TMEM26: variants seen among roughly 807,000 people sequenced by gnomAD.
TMEM26 encodes the protein transmembrane protein 26.
A neutral mutation model predicts 28.8 loss-of-function variants in TMEM26; 38 were observed. That is an observed-to-expected ratio of 1.32 (90% CI 1.02 to 1.73). TMEM26 has a LOEUF of 1.73. TMEM26 is among the 40% of genes most tolerant of loss of function. The pLI, the probability that TMEM26 is intolerant of heterozygous loss-of-function variation, is 0.00. For synonymous variants in TMEM26, 227 were observed against 182.9 expected (o/e 1.24, Z -1.95); for missense variants, 518 against 447.1 (o/e 1.16, Z -1.43).
chr10:61,407,424 G>C lies in TMEM26; in HGVS notation c.*2898C>G, dbSNP rs1839510181. ...CTGGAAGATTATAAAGCATGTTATT[G>C]GCCAATTCAAAATTTTATTTCATTA... On this transcript the variant is annotated 3_prime_UTR_variant, in exon 6 of 6. Transcript: ENST00000399298. 1 of 151,934 alleles carries C rather than the reference G, an allele frequency of 6.6e-6. No individual in the cohort carries two copies. Among genetic ancestry groups the C allele is most frequent in the Non-Finnish European group, 1.5e-5 (1 of 67,966 alleles). The allele number at this position is 151,934 out of a possible 1,614,324, so 9.4% of individuals were successfully genotyped here.
At chr10:61,446,457 G>A (rs547941273) in intron 1 of TMEM26, among the ~76,000 whole-genome samples, 2 of 152,174 alleles carry the variant, frequency 1.3e-5, no homozygotes, top group African/African-American at 4.8e-5. Context: ...TGGTTTCCTA[G>A]TCCATATAAA....
chr10:61,433,088 C>T (rs7896350), intron 2 of TMEM26, among the ~76,000 whole-genome samples: 30,999 of 151,974 alleles, frequency 0.2, 3,431 homozygotes, highest in Middle Eastern at 0.31. Flanking sequence ...ATGTTTTTGA[C>T]ATTCTTACCA....
intron 2 of TMEM26, 79 bp downstream of exon 2, chr10:61,436,091 T>A: frequency 1.1e-6 from 1 of 894,120 alleles, no homozygotes; most frequent in East Asian, 2.5e-5. Context: ...GAAAAGTGCA[T>A]TCCGAAAATA....
chr10:61,413,654 GTGATTTAATAAATCAA>G (rs754536026), intron 4 of TMEM26, 119 bp from the exon 5 acceptor site: 42 of 1,328,742 alleles, frequency 3.2e-5, no homozygotes, highest in Non-Finnish European at 3.9e-6. Context: ...AAATATCTTG[GTGATTTAATAAATCAA>G]TGAAAAAAAT....
chr10:61,431,112 T>C, intron 3 of TMEM26, 107 bp downstream of exon 3: 1 of 870,496 alleles, frequency 1.1e-6, no homozygotes, highest in Non-Finnish European at 1.8e-6. Flanking sequence ...AATGGATAAC[T>C]TTCTTCAGGA....
In TMEM26 at chr10:61,410,191, G is replaced by T; in HGVS notation, c.*131C>A. 3.9e-6 allele frequency: 4 copies of T among 1,013,144 alleles called. No individual in the cohort carries two copies. Among genetic ancestry groups the T allele is most frequent in the Non-Finnish European group, 5.6e-6 (4 of 712,290 alleles). 62.8% of individuals were successfully genotyped at this position (1,013,144 alleles called of 1,614,324 possible). ...TGAAAAAAGAAAATTCCTCAGCTTT[G>T]GTTTAAGATCACCTTTTTATGTTGT... On this transcript the variant is annotated 3_prime_UTR_variant, in exon 6 of 6. Coordinates refer to ENST00000399298, the MANE Select transcript of TMEM26 (RefSeq NM_178505.8).
chr10:61,433,695 G>T (rs1839958091), intron 2 of TMEM26, among the ~76,000 whole-genome samples: 1 of 152,118 alleles, frequency 6.6e-6, no homozygotes, highest in African/African-American at 2.4e-5. Flanking sequence ...CCAAGTCATA[G>T]GTTAGAACAT....
chr10:61,449,458 T>G (rs1320057466), intron 1 of TMEM26, among the ~76,000 whole-genome samples: 1 of 152,222 alleles, frequency 6.6e-6, no homozygotes, highest in Non-Finnish European at 1.5e-5. Context: ...TTCCAAAGGA[T>G]AGCTAAAGAA....
In TMEM26 at chr10:61,407,883, T is replaced by G. The variant is rs1226099447; in HGVS notation, c.*2439A>C. On this transcript the variant is annotated 3_prime_UTR_variant, in exon 6 of 6. Coordinates refer to ENST00000399298, the MANE Select transcript of TMEM26 (RefSeq NM_178505.8). Reference sequence around the variant, plus strand: ...TAAAATGTAAACAAGTCCCAGGATGTCCACACATGGGAGGTAATTGATGTT... The same window carrying G: ...TAAAATGTAAACAAGTCCCAGGATGGCCACACATGGGAGGTAATTGATGTT... 2.0e-5 allele frequency: 3 copies of G among 152,172 alleles called. No individual in the cohort carries two copies. Among genetic ancestry groups the G allele is most frequent in the Non-Finnish European group, 4.4e-5 (3 of 68,038 alleles). 9.4% of individuals were successfully genotyped at this position (152,172 alleles called of 1,614,324 possible).
intron 4 of TMEM26, among the ~76,000 whole-genome samples, chr10:61,419,787 A>G (rs1839713046): frequency 6.6e-6 from 1 of 152,068 alleles, no homozygotes; most frequent in Non-Finnish European, 1.5e-5. Context: ...AATGGATGAA[A>G]ATTTTGAGGA....
intron 1 of TMEM26, among the ~76,000 whole-genome samples, chr10:61,452,405 G>T (rs1057087534): frequency 6.6e-6 from 1 of 152,224 alleles, no homozygotes; most frequent in African/African-American, 2.4e-5. Context: ...GTGCAGCGAG[G>T]GTCTTCTCGT....
intron 2 of TMEM26, among the ~76,000 whole-genome samples, chr10:61,435,935 A>G (rs1468400877): frequency 6.6e-6 from 1 of 152,218 alleles, no homozygotes; most frequent in East Asian, 1.9e-4. Context: ...TCTCTAACAC[A>G]AAATGTTAAT....
chr10:61,431,762 C>T (rs1227495183), intron 2 of TMEM26, among the ~76,000 whole-genome samples: 8 of 151,352 alleles, frequency 5.3e-5, no homozygotes, highest in Admixed American at 3.3e-4. Context: ...TGGGGGTTCA[C>T]GTGCAGGTTT....
chr10:61,452,958 G>A lies in TMEM26; in HGVS notation c.124C>T (p.Leu42Phe), dbSNP rs1477528952. The change falls in exon 1 of 6, where the codon CTC becomes TTC. Residue 42 changes from leucine (L) to phenylalanine (F), a missense_variant. Coordinates refer to ENST00000399298, the MANE Select transcript of TMEM26 (RefSeq NM_178505.8). ...KEPRYWLLAL[L>F]NLLLFLETAL... The stretch of plus-strand genomic sequence containing the variant: ...GTCTCCAGGAAGAGCAAGAGGTTGA[G>A]CAGCGCAAGCAGCCAGTACCGCGGC... The A allele has an allele frequency of 1.2e-6, 2 of 1,614,096 alleles. No individual in the cohort carries two copies. The highest frequency in any genetic ancestry group is 2.2e-5 in the East Asian group (1 of 44,854).
intron 1 of TMEM26, among the ~76,000 whole-genome samples, chr10:61,446,096 T>G (rs866017067): frequency 6.6e-6 from 1 of 152,150 alleles, no homozygotes; most frequent in Non-Finnish European, 1.5e-5. Flanking sequence ...CATTCAGAGG[T>G]TCCATTTCTT....
At chr10:61,438,556 CTCT>C (rs1840043829) in intron 1 of TMEM26, among the ~76,000 whole-genome samples, 1 of 152,138 alleles carries the variant, frequency 6.6e-6, no homozygotes, top group African/African-American at 2.4e-5. Flanking sequence ...CATACAATAG[CTCT>C]TGAAAGAGGT....
chr10:61,409,394 G>A lies in TMEM26; in HGVS notation c.*928C>T, dbSNP rs1839535837. On this transcript the variant is annotated 3_prime_UTR_variant, in exon 6 of 6. Transcript: ENST00000399298. ...CTTCCAGTAGTCGCGGTTCAAAGAA[G>A]CTGCAGCTTTGTTCACTACTGCTGG... The A allele has an allele frequency of 6.6e-6, 1 of 152,192 alleles. No homozygotes were observed. Among genetic ancestry groups the A allele is most frequent in the African/African-American group, 2.4e-5 (1 of 41,424 alleles). The allele number at this position is 152,192 out of a possible 1,614,324, so 9.4% of individuals were successfully genotyped here.
At chr10:61,427,651 T>C (rs895359337) in intron 4 of TMEM26, among the ~76,000 whole-genome samples, 5 of 152,104 alleles carry the variant, frequency 3.3e-5, no homozygotes, top group Non-Finnish European at 7.4e-5. Context: ...ATTTTATGAC[T>C]GGCCCCACAA....
Position 61,417,656 on chromosome 10 carries a change from G to A in TMEM26, c.606-4121C>T, listed in dbSNP as rs533490993. ...ACATAAGAAGAGTCTCCTTTGTATGGTCAAGTATTCACAGGGAAATGTTAG... is the reference window on the plus strand; with the variant it reads ...ACATAAGAAGAGTCTCCTTTGTATGATCAAGTATTCACAGGGAAATGTTAG... On this transcript the variant is annotated intron_variant, in intron 4 of 5. Coordinates refer to ENST00000399298, the MANE Select transcript of TMEM26 (RefSeq NM_178505.8). Among the ~76,000 whole-genome samples, 6 of 151,998 alleles carry A rather than the reference G, an allele frequency of 3.9e-5. No individual in the cohort carries two copies. The East Asian group carries it at 7.7e-4, about 20-fold the overall frequency.
Sources: gnomAD v4.1 joint callset for allele counts (sites outside exome capture counted in the v4.1 genomes callset) on GRCh38, gnomAD v4.1.1 for gene constraint, MANE v1.5 for transcripts, NCBI Gene and HGNC (gene_info 2026-07-23, HGNC 2026-07-21) for gene names.